The following CCDC126 variants were observed in gnomAD, a reference collection of about 807,000 sequenced individuals.
CCDC126 encodes coiled-coil domain containing 126.
In CCDC126, 5 loss-of-function variants were observed where a neutral mutation model predicts 11.7. The observed-to-expected ratio is 0.43, with a 90% CI of 0.22 to 0.90. CCDC126 has a LOEUF of 0.90. Among genes scored for constraint, CCDC126 ranks in the 40% least tolerant of loss-of-function variants. The pLI is 0.27. For missense variants in CCDC126, 150 were observed against 163.1 expected, an observed-to-expected ratio of 0.92 and a Z score of 0.44; for synonymous variants, 60 against 61.9, an observed-to-expected ratio of 0.97 and a Z score of 0.14.
intron 3 of CCDC126, among the ~76,000 whole-genome samples, chr7:23,614,942 T>A (rs1298651840): frequency 2.0e-5 from 3 of 152,208 alleles, no homozygotes; most frequent in Non-Finnish European, 4.4e-5. Context: ...ATAAGGGCTC[T>A]AGGATTTTCA....
chr7:23,635,672 A>G (rs1006195743), intron 3 of CCDC126, among the ~76,000 whole-genome samples: 2 of 152,244 alleles, frequency 1.3e-5, no homozygotes, highest in Admixed American at 6.5e-5. Flanking sequence ...TCTGTATTTA[A>G]TAATAATTTA....
chr7:23,622,665 C>G, intron 3 of CCDC126: 1 of 533,886 alleles, frequency 1.9e-6, no homozygotes, highest in South Asian at 1.4e-5. Flanking sequence ...CACAAAGGAA[C>G]CTATGCAGAT....
intron 3 of CCDC126, among the ~76,000 whole-genome samples, chr7:23,638,285 TG>T (rs1783280354): frequency 6.8e-6 from 1 of 147,866 alleles, no homozygotes; most frequent in South Asian, 2.2e-4. Flanking sequence ...GCGGGAAGGG[TG>T]GGGAAAAAAT....
intron 2 of CCDC126, 47 bp from the exon 3 acceptor site, chr7:23,611,124 A>G: frequency 2.0e-6 from 1 of 503,546 alleles, no homozygotes; most frequent in Non-Finnish European, 3.5e-6. Context: ...CTGTTCTGTT[A>G]CTGATACAGA....
At chr7:23,631,031 CACTAAG>C (rs1783101678) in intron 3 of CCDC126, among the ~76,000 whole-genome samples, 1 of 151,900 alleles carries the variant, frequency 6.6e-6, no homozygotes, top group Non-Finnish European at 1.5e-5. Flanking sequence ...TAGATTTATG[CACTAAG>C]TGCATAAATC....
intron 3 of CCDC126, among the ~76,000 whole-genome samples, chr7:23,623,680 G>T (rs1406177901): frequency 6.6e-6 from 1 of 151,776 alleles, no homozygotes; most frequent in African/African-American, 2.4e-5. Context: ...ATTGAGTTCT[G>T]TTGTACAGTG....
At position 23,642,931 on chromosome 7, in the gene CCDC126, C is replaced by T. The variant is rs766969695; in HGVS notation, c.239C>T (p.Ala80Val). ...VENGASMAGY[A>V]DLKRTIAVLL... ...ATTTTATTCTGATTTATTCCCCTAG[C>T]GGATCTGAAAAGAACAATTGCTGTC... The change falls in exon 4 of 4, where the codon GCG becomes GTG. Residue 80 changes from alanine to valine, a missense_variant and splice_region_variant. By Grantham distance (64) the Ala-to-Val change is moderately conservative (BLOSUM62 0). Coordinates refer to ENST00000307471, the MANE Select transcript of CCDC126 (RefSeq NM_138771.4). The T allele has an allele frequency of 1.7e-5, 27 of 1,612,654 alleles. No individual in the cohort carries two copies. The highest frequency in any genetic ancestry group is 2.2e-5 in the South Asian group (2 of 91,000).
At chr7:23,623,101 C>T (rs1369752001) in intron 3 of CCDC126, among the ~76,000 whole-genome samples, 2 of 150,582 alleles carry the variant, frequency 1.3e-5, no homozygotes, top group Non-Finnish European at 3.0e-5. Context: ...AGCCTCCCAA[C>T]TGGCTGGGAT....
chr7:23,612,804 A>G (rs994664357), intron 3 of CCDC126, among the ~76,000 whole-genome samples: 5 of 152,238 alleles, frequency 3.3e-5, no homozygotes, highest in Admixed American at 6.5e-5. Context: ...TTTCCTAAGA[A>G]GCAGGTTTTG....
intron 3 of CCDC126, among the ~76,000 whole-genome samples, chr7:23,626,406 T>A (rs1783016439): frequency 6.6e-6 from 1 of 152,216 alleles, no homozygotes; most frequent in Admixed American, 6.5e-5. Context: ...AGCTAGTCAA[T>A]CAAAAATATT....
chr7:23,620,830 T>C (rs983891128), intron 3 of CCDC126, among the ~76,000 whole-genome samples: 7 of 152,230 alleles, frequency 4.6e-5, no homozygotes, highest in African/African-American at 1.7e-4. Flanking sequence ...ATTTATTAAA[T>C]AGGGAATCCT....
At chr7:23,641,281 T>G (rs966363886) in intron 3 of CCDC126, among the ~76,000 whole-genome samples, 1 of 152,212 alleles carries the variant, frequency 6.6e-6, no homozygotes, top group African/African-American at 2.4e-5. Flanking sequence ...TCTTTTCATG[T>G]ACTTACTGGC....
At chr7:23,608,297 A>G (rs1286089134) in intron 2 of CCDC126, among the ~76,000 whole-genome samples, 1 of 152,144 alleles carries the variant, frequency 6.6e-6, no homozygotes, top group African/African-American at 2.4e-5. Flanking sequence ...GAACTGCAGA[A>G]TGGAGAGGCA....
chr7:23,628,872 C>T (rs528352118), intron 3 of CCDC126, among the ~76,000 whole-genome samples: 81 of 152,298 alleles, frequency 5.3e-4, no homozygotes, highest in African/African-American at 1.7e-3. Flanking sequence ...GGACCTGGAA[C>T]TCCCTTCTCC....
intron 3 of CCDC126, among the ~76,000 whole-genome samples, chr7:23,636,204 CG>C (rs1205681073): frequency 6.6e-6 from 1 of 152,246 alleles, no homozygotes; most frequent in Non-Finnish European, 1.5e-5. Flanking sequence ...GGCGTGATCT[CG>C]GCTCGCTACA....
At chr7:23,616,163 C>A (rs1584200873) in intron 3 of CCDC126, among the ~76,000 whole-genome samples, 2 of 152,194 alleles carry the variant, frequency 1.3e-5, no homozygotes, top group East Asian at 3.9e-4. Context: ...TCTACTGCAT[C>A]CCCCTACAGT....
chr7:23,619,299 T>C, intron 3 of CCDC126: 1 of 262,294 alleles, frequency 3.8e-6, no homozygotes, highest in South Asian at 4.9e-5. Flanking sequence ...GTAACAAACC[T>C]GCACATCTGA....
intron 3 of CCDC126, among the ~76,000 whole-genome samples, chr7:23,641,611 C>T (rs983611111): frequency 6.6e-6 from 1 of 152,086 alleles, no homozygotes; most frequent in Non-Finnish European, 1.5e-5. Context: ...CTGGTGATCC[C>T]GGATTAGGGC....
intron 2 of CCDC126, chr7:23,602,356 G>A (rs920332040): frequency 1.3e-5 from 2 of 152,184 alleles, no homozygotes; most frequent in Non-Finnish European, 2.9e-5. Flanking sequence ...TTTCGTATCT[G>A]ATCTTGCCAC....
Sources: gnomAD v4.1 joint callset for allele counts (sites outside exome capture counted in the v4.1 genomes callset) on GRCh38, gnomAD v4.1.1 for gene constraint, MANE v1.5 for transcripts, NCBI Gene and HGNC (gene_info 2026-07-23, HGNC 2026-07-21) for gene names.